Variants in TBC1D25 observed in about 807,000 individuals in gnomAD.
TBC1D25 encodes the protein 5SN3 snoRNA.
In TBC1D25, 13 loss-of-function variants were observed where a neutral mutation model predicts 38.8. The observed-to-expected ratio is 0.34, with a 90% confidence interval of 0.22 to 0.53. TBC1D25 has a LOEUF of 0.53. Ranked by LOEUF, TBC1D25 falls within the 20% of genes least tolerant of loss-of-function variation. The pLI, the probability that TBC1D25 is intolerant of heterozygous loss-of-function variation, is 0.94. For synonymous variants in TBC1D25, 225 were observed against 255.6 expected (o/e 0.88, Z 1.14); for missense variants, 372 against 600.0 (o/e 0.62, Z 3.97).
At chrX:48,549,919 C>T (rs1179056645) in intron 3 of TBC1D25, among the ~76,000 whole-genome samples, 1 of 112,160 alleles carries the variant, frequency 8.9e-6, no homozygotes, top group Non-Finnish European at 1.9e-5. Flanking sequence ...TCTCTGTCAG[C>T]ATTGTGATAA....
chrX:48,558,356 G>C (rs1185586201), intron 3 of TBC1D25, among the ~76,000 whole-genome samples: 2 of 111,446 alleles, frequency 1.8e-5, no homozygotes, highest in Non-Finnish European at 3.8e-5. Context: ...AAAAATATGA[G>C]AGTAGGAGTT....
At position 48,562,357 on chromosome X, in the gene TBC1D25, A is replaced by G. The variant is rs1453490856; in HGVS notation, c.*1382A>G. The G allele has an allele frequency of 8.9e-6, 1 of 112,024 alleles. No individual in the cohort carries two copies. The highest frequency in any genetic ancestry group is 1.9e-5 in the Non-Finnish European group (1 of 53,187). The allele number at this position is 112,024 out of a possible 1,213,427, so 9.2% of individuals were successfully genotyped here. On this transcript the variant is annotated 3_prime_UTR_variant, in exon 6 of 6. Coordinates refer to ENST00000376771, the MANE Select transcript of TBC1D25 (RefSeq NM_002536.4). ...CCAAGAATGCCATACAAACCTGGGG[A>G]TGACCCTTAAAAGTCTCCCGTCACC...
intron 1 of TBC1D25, 27 bp downstream of exon 1, chrX:48,539,947 C>A: frequency 1.1e-6 from 1 of 946,308 alleles, no homozygotes. Context: ...GTCGGCCCAG[C>A]CGCCGAGGCA....
chrX:48,540,145 G>A (rs1249412017), intron 1 of TBC1D25, among the ~76,000 whole-genome samples: 2 of 110,421 alleles, frequency 1.8e-5, no homozygotes, highest in Non-Finnish European at 3.8e-5. Flanking sequence ...CGAGGCGGGG[G>A]TCTATGGGAT....
intron 3 of TBC1D25, among the ~76,000 whole-genome samples, chrX:48,554,266 C>T (rs917706435): frequency 6.7e-5 from 7 of 103,939 alleles, no homozygotes; most frequent in Non-Finnish European, 7.8e-5. Context: ...TTGGGCATTT[C>T]GGGCTGGGCG....
At chrX:48,558,328 T>G (rs1333936121) in intron 3 of TBC1D25, among the ~76,000 whole-genome samples, 1 of 111,435 alleles carries the variant, frequency 9.0e-6, no homozygotes, top group African/African-American at 3.3e-5. Context: ...GTGCACTGTT[T>G]GTGGGAGGAG....
At chrX:48,553,241 T>C (rs1188389598) in intron 3 of TBC1D25, among the ~76,000 whole-genome samples, 8 of 91,212 alleles carry the variant, frequency 8.8e-5, no homozygotes, top group African/African-American at 2.9e-4. Flanking sequence ...ATTAAATATG[T>C]AATATATATA....
chrX:48,541,179 A>G, intron 1 of TBC1D25, 154 bp from the exon 2 acceptor site: 1 of 500,116 alleles, frequency 2.0e-6, no homozygotes. Flanking sequence ...GAACTCTTGC[A>G]GTAGCCTCCT....
intron 1 of TBC1D25, among the ~76,000 whole-genome samples, chrX:48,540,568 T>C (rs182098946): frequency 1.1e-4 from 12 of 111,618 alleles, no homozygotes; most frequent in African/African-American, 3.6e-4. Flanking sequence ...CATGTTCCCG[T>C]AGGTTCCTGA....
intron 1 of TBC1D25, 83 bp from the exon 2 acceptor site, chrX:48,541,250 C>T (rs1556980160): frequency 1.2e-6 from 1 of 856,069 alleles, no homozygotes; most frequent in Admixed American, 2.2e-5. Flanking sequence ...ACCTCTCTGA[C>T]TTTGCCTTCT....
chrX:48,550,135 C>T (rs372971515), intron 3 of TBC1D25, among the ~76,000 whole-genome samples: 1 of 109,725 alleles, frequency 9.1e-6, no homozygotes, highest in Non-Finnish European at 1.9e-5. Flanking sequence ...TACAGGTGCC[C>T]GCCACCATGC....
intron 2 of TBC1D25, among the ~76,000 whole-genome samples, chrX:48,544,572 C>T (rs1460713891): frequency 9.0e-6 from 1 of 111,138 alleles, no homozygotes; most frequent in African/African-American, 3.3e-5. Context: ...CCACCCACCT[C>T]GGCCTCCCAA....
rs890594187 is a variant in TBC1D25, at chrX:48,560,804, C to T, written c.1896C>T (p.His632=). The T allele has an allele frequency of 4.1e-5, 50 of 1,211,311 alleles. No homozygotes were observed. Among genetic ancestry groups the T allele is most frequent in the Non-Finnish European group, 5.0e-5 (45 of 895,456 alleles). ...CCATCCTGCTGGAGCACCGCGACCA[C>T]ATCATGCGCAATGGGCTGGATTATA... is the stretch of plus-strand genomic sequence containing the variant. ...CLAILLEHRD[H]IMRNGLDYNE... is the part of the protein sequence containing the mutation. The change falls in exon 6 of 6, where the codon CAC becomes CAT. Residue 632 remains histidine, a synonymous_variant. Transcript: ENST00000376771.
rs2061838074 is a variant in TBC1D25 at position 48,541,422 on chromosome X, C to T, written c.213C>T (p.Ile71=). The change falls in exon 2 of 6, where the codon ATC becomes ATT. Residue 71 remains isoleucine, a synonymous_variant. Coordinates refer to ENST00000376771, the MANE Select transcript of TBC1D25 (RefSeq NM_002536.4). ...TCGACGTGTTGCAGCACATCCTCAT[C>T]CGAGCCTTTGATTTGAGTGGGTGAG... ...TSLDVLQHIL[I]RAFDLSGKKN... 2 of 1,211,824 alleles carry T rather than the reference C, an allele frequency of 1.7e-6. No homozygotes were observed. The highest frequency in any genetic ancestry group is 3.5e-5 in the African/African-American group (2 of 57,949).
chrX:48,541,954 G>T (rs1423814914), intron 2 of TBC1D25, among the ~76,000 whole-genome samples: 1 of 110,475 alleles, frequency 9.1e-6, no homozygotes, highest in African/African-American at 3.3e-5. Flanking sequence ...TTCTGAGCAC[G>T]TTTAAGGTAG....
At chrX:48,550,508 G>A (rs1434098402) in intron 3 of TBC1D25, among the ~76,000 whole-genome samples, 1 of 103,766 alleles carries the variant, frequency 9.6e-6, no homozygotes, top group Non-Finnish European at 2.0e-5. Context: ...ATGGAGTCTC[G>A]CTCTGTCGCC....
chrX:48,546,747 A>G (rs1461616046), intron 3 of TBC1D25, among the ~76,000 whole-genome samples: 1 of 111,688 alleles, frequency 9.0e-6, no homozygotes, highest in Non-Finnish European at 1.9e-5. Flanking sequence ...GTTAAGTATG[A>G]AGGGGTAAAA....
rs903417570 is a variant in TBC1D25 at position 48,560,282 on chromosome X, T to G, written c.1374T>G (p.Gly458=). 8.3e-7 allele frequency: 1 copy of G among 1,211,499 alleles called. No individual in the cohort carries two copies. Among genetic ancestry groups the G allele is most frequent in the Non-Finnish European group, 1.1e-6 (1 of 895,377 alleles). Residue 458 remains glycine (G), a synonymous_variant, in exon 6 of 6, where the codon GGT becomes GGG. Transcript: ENST00000376771. The part of the protein sequence containing the change: ...PPSQVADAGF[G]GHRGWPVRQR... ...GCCAAGTGGCAGACGCTGGTTTTGG[T>G]GGCCACAGGGGGTGGCCCGTGCGAC...
chrX:48,539,804 A>G lies in TBC1D25; in HGVS notation c.7A>G (p.Thr3Ala). The change falls in exon 1 of 6, where the codon ACA (threonine) becomes GCA (alanine). Residue 3 changes from threonine (T) to alanine (A), a missense_variant. Physicochemically the swap from Thr to Ala is moderately conservative, Grantham distance 58. Transcript: ENST00000376771. ...TGAGACGGGCGGCGGCGGGATGGCA[A>G]CAGCCTCCGGGGCCTCGGACTTGTC... The part of the protein sequence containing the change: MA[T>A]ASGASDLSGS... 1 of 962,700 alleles carries G rather than the reference A, an allele frequency of 1.0e-6. No individual in the cohort carries two copies. Among genetic ancestry groups the G allele is most frequent in the Non-Finnish European group, 1.3e-6 (1 of 766,915 alleles). The allele number at this position is 962,700 out of a possible 1,213,427, so 79.3% of individuals were successfully genotyped here. A position where few individuals can be genotyped will look rare whatever the true frequency, so the allele number is the denominator to read the frequency against.
Sources: gnomAD v4.1 joint callset for allele counts (sites outside exome capture counted in the v4.1 genomes callset) on GRCh38, gnomAD v4.1.1 for gene constraint, MANE v1.5 for transcripts, NCBI Gene and HGNC (gene_info 2026-07-23, HGNC 2026-07-21) for gene names.